Variants in GLG1 observed in about 807,000 individuals in gnomAD.
The protein encoded by GLG1 is golgi glycoprotein 1, also known as Golgi apparatus protein 1.
GLG1 carries 38 observed loss-of-function variants against 160.5 expected under a neutral mutation model. That is an observed-to-expected ratio of 0.24 (90% CI 0.18 to 0.31). The LOEUF (loss-of-function observed/expected upper bound fraction) is 0.31. GLG1 is among the 10% of genes least tolerant of loss of function. GLG1 has a pLI of 1.00. For missense variants in GLG1, 1,373 were observed against 1,505.2 expected (o/e 0.91, Z 1.45); for synonymous variants, 644 against 543.4 (o/e 1.19, Z -2.57).
In GLG1 at chr16:74,452,214, T is replaced by G; in HGVS notation, c.*953A>C. On this transcript the variant is annotated 3_prime_UTR_variant, in exon 26 of 26. Transcript: ENST00000422840. ...CCCCACACCCATCTTCAAGGACCCCTCCCGCCACAGTCCTGCCTCCTGATG... is the reference window on the plus strand; with the variant it reads ...CCCCACACCCATCTTCAAGGACCCCGCCCGCCACAGTCCTGCCTCCTGATG... 1 of 1,518,250 alleles carries G rather than the reference T, an allele frequency of 6.6e-7. No homozygotes were observed. 94.0% of individuals were successfully genotyped at this position (1,518,250 alleles called of 1,614,324 possible).
chr16:74,469,444 T>G (rs370550221), intron 16 of GLG1: 1 of 211,370 alleles, frequency 4.7e-6, no homozygotes, highest in African/African-American at 2.3e-5. Flanking sequence ...CTGAGCAAAT[T>G]GGGAATTTGG....
chr16:74,568,858 A>G (rs57619039), intron 1 of GLG1, among the ~76,000 whole-genome samples: 25,420 of 152,244 alleles, frequency 0.17, 2,726 homozygotes, highest in East Asian at 0.4. Flanking sequence ...CTTTAACTAT[A>G]AACAACTAAA....
At chr16:74,538,154 C>A (rs1006292952) in intron 1 of GLG1, among the ~76,000 whole-genome samples, 4 of 149,002 alleles carry the variant, frequency 2.7e-5, no homozygotes, top group African/African-American at 9.9e-5. Flanking sequence ...AAGTGACAAC[C>A]AACTTTGTTT....
At chr16:74,528,987 G>A (rs1161618257) in intron 2 of GLG1, among the ~76,000 whole-genome samples, 4 of 127,088 alleles carry the variant, frequency 3.1e-5, no homozygotes, top group Non-Finnish European at 6.5e-5. Context: ...TTTTTTTTGA[G>A]ACAGAATCTC....
intron 1 of GLG1, among the ~76,000 whole-genome samples, chr16:74,589,089 A>T (rs1258862047): frequency 6.6e-6 from 1 of 151,868 alleles, no homozygotes; most frequent in East Asian, 1.9e-4. Flanking sequence ...AAAAAGAACA[A>T]CAACAACAAC....
At chr16:74,487,343 C>G (rs1390960277) in intron 8 of GLG1, among the ~76,000 whole-genome samples, 2 of 151,956 alleles carry the variant, frequency 1.3e-5, no homozygotes, top group Non-Finnish European at 2.9e-5. Context: ...TACATCTAAC[C>G]TATGATCCCA....
Position 74,452,474 on chromosome 16 carries a change from C to T in GLG1, c.*693G>A. On this transcript the variant is annotated 3_prime_UTR_variant, in exon 26 of 26. Transcript: ENST00000422840. ...GCTTTGCTTCAATGAAGCGAGGAGA[C>T]CACAGAAATACCCATGGCTGTGGGG... 1.9e-6 allele frequency: 2 copies of T among 1,070,336 alleles called. No homozygotes were observed. Among genetic ancestry groups the T allele is most frequent in the Non-Finnish European group, 2.3e-6 (2 of 878,832 alleles). The allele number at this position is 1,070,336 out of a possible 1,614,324, so 66.3% of individuals were successfully genotyped here.
At chr16:74,589,838 G>A (rs1449954396) in intron 1 of GLG1, among the ~76,000 whole-genome samples, 2 of 152,174 alleles carry the variant, frequency 1.3e-5, no homozygotes, top group African/African-American at 4.8e-5. Context: ...TCAGGAGGCT[G>A]AGGCAGGAGA....
At chr16:74,479,541 A>T (rs1355416668) in intron 11 of GLG1, among the ~76,000 whole-genome samples, 6 of 152,120 alleles carry the variant, frequency 3.9e-5, no homozygotes, top group Non-Finnish European at 8.8e-5. Context: ...TTTCCTTCTG[A>T]GTCCCCTCAT....
intron 3 of GLG1, among the ~76,000 whole-genome samples, chr16:74,504,309 G>C (rs1567487859): frequency 6.6e-6 from 1 of 151,962 alleles, no homozygotes; most frequent in African/African-American, 2.4e-5. Context: ...ATCTTTTGAG[G>C]CAGAGCCTTG....
At chr16:74,483,505 T>C (rs903012005) in intron 9 of GLG1, among the ~76,000 whole-genome samples, 1 of 152,194 alleles carries the variant, frequency 6.6e-6, no homozygotes, top group African/African-American at 2.4e-5. Flanking sequence ...TAAAGCAAAA[T>C]CCCAGATACT....
chr16:74,494,958 T>G, intron 5 of GLG1, 127 bp from the exon 6 acceptor site: 27 of 452,864 alleles, frequency 6.0e-5, no homozygotes, highest in East Asian at 1.4e-4. Context: ...CAAACAGCGC[T>G]TCCATTTATA....
At chr16:74,478,013 T>TAAATAAATAAATA (rs548461001) in intron 11 of GLG1, among the ~76,000 whole-genome samples, 1 of 150,406 alleles carries the variant, frequency 6.6e-6, no homozygotes, top group Non-Finnish European at 1.5e-5. Flanking sequence ...AATAAATAAA[T>TAAATAAATAAATA]AAAATGTGCA....
Position 74,565,641 on chromosome 16 carries a change from C to T in GLG1, c.439-33488G>A, listed in dbSNP as rs998761863. ...GTACCTCACTTCCTTTCCTGTATGT[C>T]ACTTTCCTTTTTCTGTCCATAAATC... On this transcript the variant is annotated intron_variant, in intron 1 of 25. Coordinates refer to ENST00000422840, the MANE Select transcript of GLG1 (RefSeq NM_001145667.2). 2.6e-5 allele frequency among the ~76,000 whole-genome samples: 4 copies of T among 152,218 alleles called. No homozygotes were observed. The East Asian group carries it at 7.7e-4, about 29-fold the overall frequency.
At chr16:74,487,129 G>A (rs2015822270) in intron 8 of GLG1, among the ~76,000 whole-genome samples, 3 of 152,250 alleles carry the variant, frequency 2.0e-5, no homozygotes, top group East Asian at 1.9e-4. Context: ...GGCCAGGCTG[G>A]TCTTGAACTC....
At chr16:74,549,443 C>T (rs1362392841) in intron 1 of GLG1, among the ~76,000 whole-genome samples, 9 of 152,176 alleles carry the variant, frequency 5.9e-5, no homozygotes, top group South Asian at 4.1e-4. Flanking sequence ...CCCGCCACCA[C>T]GCCCGGCTAA....
chr16:74,592,598 G>A (rs778991070), intron 1 of GLG1, among the ~76,000 whole-genome samples: 1 of 152,138 alleles, frequency 6.6e-6, no homozygotes, highest in Non-Finnish European at 1.5e-5. Context: ...AGGGGAAAGG[G>A]AAGACCATTT....
intron 1 of GLG1, among the ~76,000 whole-genome samples, chr16:74,588,003 A>C (rs1163126265): frequency 6.6e-6 from 1 of 152,210 alleles, no homozygotes; most frequent in Non-Finnish European, 1.5e-5. Context: ...GGATGGTATT[A>C]ATAGCTGACT....
intron 2 of GLG1, among the ~76,000 whole-genome samples, chr16:74,509,609 G>A (rs1224319844): frequency 1.3e-5 from 2 of 151,932 alleles, no homozygotes; most frequent in African/African-American, 4.8e-5. Context: ...CAGCACTTTG[G>A]GAGGCAGAGG....
Sources: allele counts gnomAD v4.1 joint callset (sites outside exome capture counted in the v4.1 genomes callset), GRCh38; gene constraint gnomAD v4.1.1; transcripts MANE v1.5; gene names NCBI Gene and HGNC (gene_info 2026-07-23, HGNC 2026-07-21).